Variants in CERS6 observed in about 807,000 individuals in gnomAD.
The protein encoded by CERS6 is LAG1 homolog, ceramide synthase 6.
A neutral mutation model predicts 56.8 loss-of-function variants in CERS6; 26 were observed. The ratio of observed to expected loss-of-function variants is 0.46; its 90% CI spans 0.34 to 0.63. CERS6 has a LOEUF of 0.63. CERS6 is among the 30% of genes least tolerant of loss of function. The pLI is 0.01. For missense variants in CERS6, 415 were observed against 467.5 expected (o/e 0.89, Z 1.04); for synonymous variants, 164 against 173.3 (o/e 0.95, Z 0.42).
intron 1 of CERS6, among the ~76,000 whole-genome samples, chr2:168,516,393 CAG>C (rs1405294192): frequency 3.3e-5 from 5 of 152,132 alleles, no homozygotes; most frequent in Admixed American, 6.5e-5. Flanking sequence ...TATTTGATGT[CAG>C]TAATAATAAA....
chr2:168,585,853 C>G (rs567282553), intron 3 of CERS6, among the ~76,000 whole-genome samples: 1 of 152,174 alleles, frequency 6.6e-6, no homozygotes, highest in African/African-American at 2.4e-5. Context: ...TTTCCCCTTC[C>G]GGGCATCATT....
At chr2:168,756,666 A>G (rs987583850) in intron 8 of CERS6, among the ~76,000 whole-genome samples, 4 of 152,178 alleles carry the variant, frequency 2.6e-5, no homozygotes, top group Non-Finnish European at 4.4e-5. Flanking sequence ...CTGAACAGAG[A>G]TATTGATGTG....
At chr2:168,519,019 A>G (rs1694932694) in intron 1 of CERS6, among the ~76,000 whole-genome samples, 1 of 152,124 alleles carries the variant, frequency 6.6e-6, no homozygotes, top group African/African-American at 2.4e-5. Context: ...CCCCGGTCCC[A>G]CTTGAGTTGA....
intron 3 of CERS6, among the ~76,000 whole-genome samples, chr2:168,614,230 TCATACATATGTG>T (rs1559020997): frequency 6.6e-6 from 1 of 152,242 alleles, no homozygotes; most frequent in Non-Finnish European, 1.5e-5. Flanking sequence ...GATTTAACTT[TCATACATATGTG>T]CATACAAACG....
intron 7 of CERS6, among the ~76,000 whole-genome samples, chr2:168,716,280 A>G (rs556149900): frequency 2.1e-4 from 32 of 152,270 alleles, no homozygotes; most frequent in Non-Finnish European, 3.2e-4. Context: ...TATAAGGGCA[A>G]TCCCCTGGAA....
intron 6 of CERS6, among the ~76,000 whole-genome samples, chr2:168,707,768 A>G (rs1686994402): frequency 6.6e-6 from 1 of 152,148 alleles, no homozygotes; most frequent in South Asian, 2.1e-4. Flanking sequence ...TCTGTAAATC[A>G]CCCCAAATAT....
chr2:168,468,179 T>C (rs1384585194), intron 1 of CERS6, among the ~76,000 whole-genome samples: 1 of 152,218 alleles, frequency 6.6e-6, no homozygotes, highest in African/African-American at 2.4e-5. Context: ...GCCTGGCCTC[T>C]GCTCTGGCTT....
chr2:168,539,695 ATACT>A (rs1695331782), intron 1 of CERS6, among the ~76,000 whole-genome samples: 1 of 152,194 alleles, frequency 6.6e-6, no homozygotes, highest in Non-Finnish European at 1.5e-5. Context: ...TAAATTGATA[ATACT>A]TACTCTGATG....
intron 4 of CERS6, among the ~76,000 whole-genome samples, chr2:168,645,112 A>ATATATATATATATATATATAT (rs1421470329): frequency 2.1e-5 from 1 of 47,736 alleles, no homozygotes; most frequent in Non-Finnish European, 4.1e-5. Flanking sequence ...AAAAAAAAAA[A>ATATATATATATATATATATAT]AAAAATATAT....
chr2:168,715,234 G>C, intron 7 of CERS6, 105 bp downstream of exon 7: 2 of 876,024 alleles, frequency 2.3e-6, no homozygotes. Context: ...GGGTACAATA[G>C]TAAATAACTA....
At chr2:168,540,703 C>G (rs910762518) in intron 1 of CERS6, among the ~76,000 whole-genome samples, 1 of 152,164 alleles carries the variant, frequency 6.6e-6, no homozygotes, top group Non-Finnish European at 1.5e-5. Flanking sequence ...TGTCGTTGAG[C>G]CTTCATAATT....
intron 6 of CERS6, among the ~76,000 whole-genome samples, chr2:168,697,721 G>A (rs1295959206): frequency 6.6e-6 from 1 of 152,098 alleles, no homozygotes; most frequent in Non-Finnish European, 1.5e-5. Flanking sequence ...CCATGCTCCT[G>A]ACATTACAGG....
chr2:168,713,749 T>C (rs1687155645), intron 6 of CERS6, among the ~76,000 whole-genome samples: 1 of 152,176 alleles, frequency 6.6e-6, no homozygotes, highest in Non-Finnish European at 1.5e-5. Flanking sequence ...AGCATGCATA[T>C]GTACCCCCCT....
At chr2:168,476,315 A>G (rs1037543750) in intron 1 of CERS6, among the ~76,000 whole-genome samples, 1 of 152,170 alleles carries the variant, frequency 6.6e-6, no homozygotes, top group African/African-American at 2.4e-5. Context: ...GTAAAAAAGT[A>G]TCAAACAATA....
chr2:168,507,870 A>G (rs1197493745), intron 1 of CERS6, among the ~76,000 whole-genome samples: 1 of 151,914 alleles, frequency 6.6e-6, no homozygotes, highest in East Asian at 1.9e-4. Context: ...CTTCTCTGGG[A>G]AAGTTTTTTT....
intron 8 of CERS6, among the ~76,000 whole-genome samples, chr2:168,747,069 G>A (rs763269189): frequency 7.9e-5 from 12 of 151,638 alleles, no homozygotes; most frequent in Non-Finnish European, 1.3e-4. Context: ...TATACTGTAC[G>A]TAATTTTTAA....
intron 4 of CERS6, among the ~76,000 whole-genome samples, chr2:168,656,400 G>A (rs1461232367): frequency 1.3e-5 from 2 of 152,138 alleles, no homozygotes; most frequent in African/African-American, 4.8e-5. Context: ...GTGGACCCTC[G>A]CGGTGAGTGT....
intron 9 of CERS6, among the ~76,000 whole-genome samples, chr2:168,766,883 A>G (rs1684745362): frequency 6.6e-6 from 1 of 152,250 alleles, no homozygotes; most frequent in Non-Finnish European, 1.5e-5. Flanking sequence ...GCCACTTCTC[A>G]GCACCAGCTC....
intron 1 of CERS6, among the ~76,000 whole-genome samples, chr2:168,491,858 G>A (rs1158278764): frequency 1.3e-5 from 2 of 152,174 alleles, no homozygotes; most frequent in Admixed American, 1.3e-4. Context: ...TTACGAGTGA[G>A]AACATGTGGT....
Sources: gnomAD v4.1 joint callset for allele counts (sites outside exome capture counted in the v4.1 genomes callset) on GRCh38, gnomAD v4.1.1 for gene constraint, MANE v1.5 for transcripts, NCBI Gene and HGNC (gene_info 2026-07-23, HGNC 2026-07-21) for gene names.